The following XKR9 variants were observed in gnomAD, a reference collection of about 807,000 sequenced individuals.
XKR9 encodes the protein XK-related protein 9.
A neutral mutation model predicts 32.0 loss-of-function variants in XKR9; 32 were observed. The observed-to-expected ratio is 1.00, with a 90% CI of 0.76 to 1.34. XKR9 has a LOEUF of 1.34. Ranked by LOEUF, XKR9 falls within the 40% of genes most tolerant of loss-of-function variation. The pLI, the probability that XKR9 is intolerant of heterozygous loss-of-function variation, is 0.00. For synonymous variants in XKR9, 168 were observed against 143.4 expected (o/e 1.17, Z -1.22); for missense variants, 546 against 429.7 (o/e 1.27, Z -2.39).
the XKR9 span, among the ~76,000 whole-genome samples, chr8:70,809,145 G>A: frequency 6.6e-6 from 1 of 152,150 alleles, no homozygotes; most frequent in Non-Finnish European, 1.5e-5. Context: ...ACCAATATCC[G>A]CTGTTCTGCA....
the XKR9 span, among the ~76,000 whole-genome samples, chr8:71,059,307 T>C: frequency 1.3e-5 from 2 of 152,322 alleles, no homozygotes; most frequent in Admixed American, 6.5e-5. Context: ...CAGAAACCAC[T>C]AACAAGGTGA....
rs1024814171 is a variant in XKR9 at position 70,699,323 on chromosome 8, G to A, written c.273-7610G>A. 2.6e-5 allele frequency among the ~76,000 whole-genome samples: 4 copies of A among 152,148 alleles called. No homozygotes were observed. In the East Asian group the frequency reaches 5.8e-4, roughly 22 times the overall value. ...CATGATTTTGCAGTGGCTGGTACCG[G>A]TTGTTCCTTTCCATGTTTAGTGCTT... On this transcript the variant is annotated intron_variant, in intron 3 of 4. Transcript: ENST00000408926.
At chr8:70,808,280 A>G in the XKR9 span, among the ~76,000 whole-genome samples, 1 of 152,196 alleles carries the variant, frequency 6.6e-6, no homozygotes, top group Non-Finnish European at 1.5e-5. Context: ...GGTAAGAGGA[A>G]CAGTTATAGC....
At chr8:70,756,463 T>C (rs7012404) in intron 2 of XKR9, among the ~76,000 whole-genome samples, 61,308 of 152,086 alleles carry the variant, frequency 0.4, 13,894 homozygotes, top group Non-Finnish European at 0.52. Context: ...GGAATATTGC[T>C]ATTTAAGCAG....
chr8:70,804,953 T>A, the XKR9 span, among the ~76,000 whole-genome samples: 1 of 152,244 alleles, frequency 6.6e-6, no homozygotes. Context: ...CTTCACCTTC[T>A]ACACAAATGT....
intron 4 of XKR9, among the ~76,000 whole-genome samples, chr8:70,721,031 G>A (rs1028550528): frequency 2.6e-5 from 4 of 152,176 alleles, no homozygotes; most frequent in Admixed American, 6.6e-5. Context: ...CGTCTTGGGA[G>A]GGCGTGTGTG....
At chr8:70,962,185 T>C in the XKR9 span, among the ~76,000 whole-genome samples, 2 of 152,068 alleles carry the variant, frequency 1.3e-5, no homozygotes, top group Admixed American at 6.5e-5. Context: ...TCTTAGTAAG[T>C]TGTAGTTTTT....
the XKR9 span, among the ~76,000 whole-genome samples, chr8:70,991,442 T>A: frequency 6.6e-6 from 1 of 152,246 alleles, no homozygotes; most frequent in African/African-American, 2.4e-5. Context: ...GGGAATTATA[T>A]GCTATTTATA....
the XKR9 span, among the ~76,000 whole-genome samples, chr8:70,885,497 CT>C: frequency 6.6e-6 from 1 of 152,010 alleles, no homozygotes. Context: ...TTTGCCGCAC[CT>C]ATCAATCTGT....
chr8:70,826,166 TATTGCAA>T, the XKR9 span, among the ~76,000 whole-genome samples: 1 of 152,100 alleles, frequency 6.6e-6, no homozygotes, highest in African/African-American at 2.4e-5. Flanking sequence ...AAAGCATTTG[TATTGCAA>T]ATTCTCAGAT....
rs6991329 is a variant in XKR9, at chr8:70,681,190, G to A, written c.132G>A (p.Ala44=). 0.47 allele frequency: 750,575 copies of A among 1,613,148 alleles called. 186,015 individuals are homozygous for A. The highest frequency in any genetic ancestry group is 0.52 in the Non-Finnish European group (613,134 of 1,179,486). Residue 44 remains alanine, a synonymous_variant, in exon 3 of 5, where the codon GCG becomes GCA. Transcript: ENST00000408926. ...HEGQYVFSAL[A]LSFMLFGTLV... ...GACAGTATGTTTTTAGTGCTTTAGC[G>A]TTAAGCTTTATGCTTTTTGGAACAC... is the stretch of plus-strand genomic sequence containing the variant.
the XKR9 span, among the ~76,000 whole-genome samples, chr8:70,959,967 C>T: frequency 1.3e-5 from 2 of 152,276 alleles, no homozygotes; most frequent in East Asian, 1.9e-4. Flanking sequence ...TGGTGGCTCA[C>T]GCCTATAATC....
At chr8:70,760,899 G>A (rs1427271794) in intron 2 of XKR9, among the ~76,000 whole-genome samples, 7 of 152,020 alleles carry the variant, frequency 4.6e-5, no homozygotes, top group Non-Finnish European at 1.0e-4. Context: ...AGTGTGCATT[G>A]TTCCCCCTAT....
the XKR9 span, among the ~76,000 whole-genome samples, chr8:70,825,474 C>A: frequency 6.6e-6 from 1 of 152,074 alleles, no homozygotes; most frequent in Non-Finnish European, 1.5e-5. Context: ...TCAGTGAATT[C>A]ACTTATTACT....
At chr8:70,673,050 A>T (rs558502855) in intron 1 of XKR9, among the ~76,000 whole-genome samples, 1 of 152,322 alleles carries the variant, frequency 6.6e-6, no homozygotes, top group South Asian at 2.1e-4. Flanking sequence ...TGCTGTGCAG[A>T]AACTTTTTCA....
chr8:70,742,576 G>A (rs1046729337), intron 2 of XKR9, among the ~76,000 whole-genome samples: 1 of 152,102 alleles, frequency 6.6e-6, no homozygotes, highest in Non-Finnish European at 1.5e-5. Flanking sequence ...GTATAGGTTA[G>A]GTTTGTTAGT....
At chr8:70,744,071 G>C (rs1463014670) in intron 2 of XKR9, among the ~76,000 whole-genome samples, 2 of 152,032 alleles carry the variant, frequency 1.3e-5, no homozygotes, top group African/African-American at 4.8e-5. Flanking sequence ...AGCACTTTGG[G>C]AGGCTGAGGC....
At chr8:70,740,499 T>G (rs991733329), downstream of XKR9, among the ~76,000 whole-genome samples, 2 of 152,214 alleles carry the variant, frequency 1.3e-5, no homozygotes, top group African/African-American at 4.8e-5. Flanking sequence ...AGCTTTGTTC[T>G]GTTGCTGGTG....
At chr8:71,026,309 T>G in the XKR9 span, among the ~76,000 whole-genome samples, 2 of 152,222 alleles carry the variant, frequency 1.3e-5, no homozygotes, top group African/African-American at 4.8e-5. Context: ...TTATTGATTA[T>G]TTTTCTTAAA....
Sources: allele counts gnomAD v4.1 joint callset (sites outside exome capture counted in the v4.1 genomes callset), GRCh38; gene constraint gnomAD v4.1.1; transcripts MANE v1.5; gene names NCBI Gene and HGNC (gene_info 2026-07-23, HGNC 2026-07-21).